Variants in NEMP2 observed in about 807,000 individuals in gnomAD.
NEMP2 encodes the protein UPF0571 transmembrane protein.
Under a neutral mutation model 54.2 loss-of-function variants are expected in NEMP2, and 53 were observed. The observed-to-expected ratio is 0.98, with a 90% CI of 0.78 to 1.23. NEMP2 has a LOEUF of 1.23. NEMP2 is among the 50% of genes most tolerant of loss of function. NEMP2 has a pLI of 0.00. For missense variants in NEMP2, 455 were observed against 511.3 expected, an observed-to-expected ratio of 0.89 and a Z score of 1.06; for synonymous variants, 197 against 190.3, an observed-to-expected ratio of 1.04 and a Z score of -0.29.
At position 190,510,284 on chromosome 2, in the gene NEMP2, G is replaced by T; in HGVS notation, c.1130+77C>A. The T allele has an allele frequency of 1.3e-6, 2 of 1,489,784 alleles. No homozygotes were observed. The highest frequency in any genetic ancestry group is 1.8e-6 in the Non-Finnish European group (2 of 1,100,340). The allele number at this position is 1,489,784 out of a possible 1,614,324, so 92.3% of individuals were successfully genotyped here. On this transcript the variant is annotated intron_variant, in intron 8 of 8. Transcript: ENST00000409150. The surrounding 1 kb of genome is among the most constrained non-coding windows in gnomAD (Gnocchi z 5.7). ...AAACAGTCTATTTCTACCCTGAAGT[G>T]CCTGTACCAAACCATCATATTATTT...
the NEMP2 span, chr2:190,469,746 A>ATTTTT: frequency 1.5e-6 from 2 of 1,364,954 alleles, no homozygotes. This position sits in a 1 kb window ranked among gnomAD's most constrained non-coding sequence, Gnocchi z 5.3. Flanking sequence ...TTTATTTTTT[A>ATTTTT]TTTTTTTTTA....
At chr2:190,515,806 G>A (rs1057011355) in intron 6 of NEMP2, among the ~76,000 whole-genome samples, 6 of 152,110 alleles carry the variant, frequency 3.9e-5, no homozygotes, top group Admixed American at 3.9e-4. Flanking sequence ...TGTAAAACAA[G>A]GAAAATAAAT....
At chr2:190,484,476 G>C in the NEMP2 span, among the ~76,000 whole-genome samples, 1 of 151,908 alleles carries the variant, frequency 6.6e-6, no homozygotes, top group African/African-American at 2.4e-5. Flanking sequence ...TGTCGTTTTC[G>C]GTAGCACAAT....
the NEMP2 span, among the ~76,000 whole-genome samples, chr2:190,558,768 A>G: frequency 6.6e-6 from 1 of 152,230 alleles, no homozygotes; most frequent in Non-Finnish European, 1.5e-5. The surrounding 1 kb of genome is among the most constrained non-coding windows in gnomAD (Gnocchi z 4.4). Context: ...ATTTCAAAAA[A>G]TAAAGTAAAC....
At chr2:190,577,615 C>T in the NEMP2 span, among the ~76,000 whole-genome samples, 1 of 152,206 alleles carries the variant, frequency 6.6e-6, no homozygotes, top group Non-Finnish European at 1.5e-5. The surrounding 1 kb of genome is among the most constrained non-coding windows in gnomAD (Gnocchi z 4.8). Context: ...GTGGCTCACA[C>T]CTGTAATCCC....
the NEMP2 span, among the ~76,000 whole-genome samples, chr2:190,627,668 T>G: frequency 6.6e-6 from 1 of 152,144 alleles, no homozygotes; most frequent in East Asian, 1.9e-4. The surrounding 1 kb of genome is among the most constrained non-coding windows in gnomAD (Gnocchi z 4.4). Flanking sequence ...GTTGACTCTA[T>G]TCTTTTTATT....
At position 190,510,982 on chromosome 2, in the gene NEMP2, G is replaced by C. The variant is rs1042363747; in HGVS notation, c.954-445C>G. ...ATCATATCTATACTTTTTTATTGCTGTTATCATGACTGAGGTATAGAGAAC... is the reference window on the plus strand; with the variant it reads ...ATCATATCTATACTTTTTTATTGCTCTTATCATGACTGAGGTATAGAGAAC... On this transcript the variant is annotated intron_variant, in intron 7 of 8. Transcript: ENST00000409150. The surrounding 1 kb of genome is among the most constrained non-coding windows in gnomAD (Gnocchi z 5.7). 4.0e-5 allele frequency among the ~76,000 whole-genome samples: 6 copies of C among 151,398 alleles called. No individual in the cohort carries two copies. Among genetic ancestry groups the C allele is most frequent in the African/African-American group, 1.2e-4 (5 of 41,152 alleles).
rs1420075360 is a variant in NEMP2 at position 190,510,326 on chromosome 2, C to A, written c.1130+35G>T. ...ATATTATTTTTTAAATCATTCTGAA[C>A]TAAACTATGGTCCGAGCAGCAGAGC... On this transcript the variant is annotated intron_variant, in intron 8 of 8. Coordinates refer to ENST00000409150, the MANE Select transcript of NEMP2 (RefSeq NM_001142645.2). This position sits in a 1 kb window ranked among gnomAD's most constrained non-coding sequence, Gnocchi z 5.7. The A allele has an allele frequency of 1.3e-6, 2 of 1,549,446 alleles. No homozygotes were observed. The highest frequency in any genetic ancestry group is 1.7e-6 in the Non-Finnish European group (2 of 1,145,402).
At chr2:190,550,159 A>C in the NEMP2 span, among the ~76,000 whole-genome samples, 1 of 152,194 alleles carries the variant, frequency 6.6e-6, no homozygotes, top group Non-Finnish European at 1.5e-5. The surrounding 1 kb of genome is among the most constrained non-coding windows in gnomAD (Gnocchi z 4.7). Context: ...GGGGTGCTAT[A>C]ACAAAATACT....
chr2:190,548,688 C>T, the NEMP2 span, among the ~76,000 whole-genome samples: 1 of 152,168 alleles, frequency 6.6e-6, no homozygotes, highest in African/African-American at 2.4e-5. Flanking sequence ...TTATGTTAAA[C>T]AGATTTTTGT....
chr2:190,447,136 T>C, the NEMP2 span, among the ~76,000 whole-genome samples: 119 of 152,136 alleles, frequency 7.8e-4, 1 homozygote, highest in African/African-American at 2.6e-3. The surrounding 1 kb of genome is among the most constrained non-coding windows in gnomAD (Gnocchi z 4.5). Flanking sequence ...AATATAAAAA[T>C]ATTAGCGCAC....
chr2:190,498,822 G>A, the NEMP2 span, among the ~76,000 whole-genome samples: 2 of 152,118 alleles, frequency 1.3e-5, no homozygotes, highest in Non-Finnish European at 2.9e-5. This position sits in a 1 kb window ranked among gnomAD's most constrained non-coding sequence, Gnocchi z 5.9. Flanking sequence ...AATTTTTGAT[G>A]TGGCGCTTTT....
chr2:190,482,022 G>A, the NEMP2 span, among the ~76,000 whole-genome samples: 1 of 151,308 alleles, frequency 6.6e-6, no homozygotes, highest in Non-Finnish European at 1.5e-5. Flanking sequence ...ATGACCATGT[G>A]GTTAATTCTG....
chr2:190,521,866 C>G lies in NEMP2; in HGVS notation c.214-2683G>C, dbSNP rs1000599314. ...CCTCCTTTTATTTCTCCTCTGCTTG[C>G]TCCTTCCTTCTCCCTGAACTCTTAA... On this transcript the variant is annotated intron_variant, in intron 2 of 8. Coordinates refer to ENST00000409150, the MANE Select transcript of NEMP2 (RefSeq NM_001142645.2). The surrounding 1 kb of genome is among the most constrained non-coding windows in gnomAD (Gnocchi z 6.2). Among the ~76,000 whole-genome samples the G allele has an allele frequency of 1.3e-5, 2 of 152,140 alleles. No individual in the cohort carries two copies. The highest frequency in any genetic ancestry group is 4.8e-5 in the African/African-American group (2 of 41,440).
the NEMP2 span, among the ~76,000 whole-genome samples, chr2:190,557,610 C>A: frequency 6.6e-6 from 1 of 151,930 alleles, no homozygotes; most frequent in African/African-American, 2.4e-5. Flanking sequence ...CTAAAAAGAA[C>A]TTAAACAAAT....
the NEMP2 span, among the ~76,000 whole-genome samples, chr2:190,498,612 T>C: frequency 1.2e-3 from 182 of 152,338 alleles, no homozygotes; most frequent in Non-Finnish European, 2.3e-3. The surrounding 1 kb of genome is among the most constrained non-coding windows in gnomAD (Gnocchi z 5.9). Flanking sequence ...TATTTATTAA[T>C]TTATCAAGAT....
At chr2:190,432,079 T>C in the NEMP2 span, among the ~76,000 whole-genome samples, 2 of 152,228 alleles carry the variant, frequency 1.3e-5, no homozygotes, top group Non-Finnish European at 2.9e-5. Context: ...CTTATAATCC[T>C]TGGTAATTAC....
the NEMP2 span, among the ~76,000 whole-genome samples, chr2:190,554,191 C>G: frequency 6.6e-6 from 1 of 152,210 alleles, no homozygotes; most frequent in Admixed American, 6.5e-5. This position sits in a 1 kb window ranked among gnomAD's most constrained non-coding sequence, Gnocchi z 5.7. Flanking sequence ...GTGCCTACGT[C>G]ACCAGGGCCC....
At chr2:190,635,464 T>C in the NEMP2 span, among the ~76,000 whole-genome samples, 1 of 152,202 alleles carries the variant, frequency 6.6e-6, no homozygotes, top group African/African-American at 2.4e-5. The surrounding 1 kb of genome is among the most constrained non-coding windows in gnomAD (Gnocchi z 4.1). Context: ...TCTTCCTGCC[T>C]TGGCCTCCCA....
Sources: allele counts gnomAD v4.1 joint callset (sites outside exome capture counted in the v4.1 genomes callset), GRCh38; gene constraint gnomAD v4.1.1; non-coding constraint Gnocchi (gnomAD v3.1); transcripts MANE v1.5; gene names NCBI Gene and HGNC (gene_info 2026-07-23, HGNC 2026-07-21).